IMPA1: variants seen among roughly 807,000 people sequenced by gnomAD.
IMPA1 encodes inositol monophosphatase 1.
In IMPA1, 21 loss-of-function variants were observed where a neutral mutation model predicts 34.9. The ratio of observed to expected loss-of-function variants is 0.60; its 90% CI spans 0.43 to 0.87. The LOEUF (loss-of-function observed/expected upper bound fraction) is 0.87. Among genes scored for constraint, IMPA1 ranks in the 40% least tolerant of loss-of-function variants. The pLI is 0.00. For synonymous variants in IMPA1, 95 were observed against 104.4 expected (o/e 0.91, Z 0.55); for missense variants, 299 against 336.4 (o/e 0.89, Z 0.87).
At chr8:81,685,786 C>T (rs369155756) in intron 1 of IMPA1, 41 of 1,536,658 alleles carry the variant, frequency 2.7e-5, no homozygotes, top group African/African-American at 4.2e-5. Context: ...AAGCCATAAA[C>T]ACCTGAACTG....
rs1481170035 is a variant in IMPA1 at position 81,686,321 on chromosome 8, G to A, written c.-94C>T. On this transcript the variant is annotated 5_prime_UTR_variant, in exon 1 of 9. Coordinates refer to ENST00000256108, the MANE Select transcript of IMPA1 (RefSeq NM_005536.4). ...GCACTCGTCTCTTCCGGAGGTAGAG[G>A]GGCTACTCGCAACAGGAAGTTCCGC... 8.1e-6 allele frequency: 8 copies of A among 986,966 alleles called. No individual in the cohort carries two copies. Among genetic ancestry groups the A allele is most frequent in the South Asian group, 4.6e-5 (1 of 21,562 alleles). The allele number at this position is 986,966 out of a possible 1,614,324, so 61.1% of individuals were successfully genotyped here. A position where few individuals can be genotyped will look rare whatever the true frequency, so the allele number is the denominator to read the frequency against.
Position 81,658,429 on chromosome 8 carries a change from G to A in IMPA1, c.*922C>T, listed in dbSNP as rs924288852. On this transcript the variant is annotated 3_prime_UTR_variant, in exon 9 of 9. Coordinates refer to ENST00000256108, the MANE Select transcript of IMPA1 (RefSeq NM_005536.4). ...TATTAACAATACAGTATATTTGCCA[G>A]CACAATCAAATCAGTATAAACACCT... 6.6e-6 allele frequency: 1 copy of A among 152,216 alleles called. No individual in the cohort carries two copies. The highest frequency in any genetic ancestry group is 1.5e-5 in the Non-Finnish European group (1 of 68,022). The allele number at this position is 152,216 out of a possible 1,614,324, so 9.4% of individuals were successfully genotyped here.
chr8:81,670,880 G>A, intron 7 of IMPA1, 59 bp downstream of exon 7: 4 of 764,820 alleles, frequency 5.2e-6, no homozygotes, highest in East Asian at 3.0e-5. Flanking sequence ...AAAAAAAAAA[G>A]GTGTGTGCAC....
chr8:81,679,615 G>GAAGA (rs1554586284), intron 3 of IMPA1, among the ~76,000 whole-genome samples: 19 of 134,076 alleles, frequency 1.4e-4, no homozygotes, highest in African/African-American at 4.9e-4. Flanking sequence ...TCTGTCTCAG[G>GAAGA]AAAAAAAAAA....
chr8:81,685,313 T>C (rs1419416438), intron 1 of IMPA1, among the ~76,000 whole-genome samples: 1 of 134,958 alleles, frequency 7.4e-6, no homozygotes, highest in Non-Finnish European at 1.5e-5. Flanking sequence ...AGTATATTTA[T>C]GTACTATACA....
chr8:81,671,422 C>T (rs1266905088), intron 6 of IMPA1, among the ~76,000 whole-genome samples: 1 of 152,054 alleles, frequency 6.6e-6, no homozygotes, highest in Non-Finnish European at 1.5e-5. Context: ...TTTACTTTTA[C>T]AACAAAAGTA....
rs1806587687 is a variant in IMPA1, at chr8:81,658,857, A to G, written c.*494T>C. ...AGATATGTAATGGGCCAGGTGCTAT[A>G]TGAACACTGAAGAATAAAACAAAAA... On this transcript the variant is annotated 3_prime_UTR_variant, in exon 9 of 9. Transcript: ENST00000256108. The G allele has an allele frequency of 6.5e-6, 1 of 154,716 alleles. No homozygotes were observed. The highest frequency in any genetic ancestry group is 1.4e-5 in the Non-Finnish European group (1 of 69,966). The allele number at this position is 154,716 out of a possible 1,614,324, so 9.6% of individuals were successfully genotyped here. A position where few individuals can be genotyped will look rare whatever the true frequency, so the allele number is the denominator to read the frequency against.
chr8:81,679,042 G>T, intron 4 of IMPA1, 84 bp downstream of exon 4: 1 of 810,162 alleles, frequency 1.2e-6, no homozygotes, highest in Non-Finnish European at 2.1e-6. Flanking sequence ...ATTTTCTAAA[G>T]TGTACATGTT....
chr8:81,678,757 G>A (rs1227172316), intron 4 of IMPA1: 1 of 204,150 alleles, frequency 4.9e-6, no homozygotes, highest in Non-Finnish European at 1.0e-5. Context: ...GATCCATATA[G>A]ATCTATGGTA....
chr8:81,677,642 G>A (rs1215194357), intron 4 of IMPA1, among the ~76,000 whole-genome samples: 1 of 152,174 alleles, frequency 6.6e-6, no homozygotes, highest in East Asian at 1.9e-4. Context: ...AGCTAAAGCT[G>A]TTGAAAATAA....
rs1806537906 is a variant in IMPA1 at position 81,657,033 on chromosome 8, T to C, written c.*2318A>G. Among the ~76,000 whole-genome samples the C allele has an allele frequency of 6.6e-6, 1 of 152,230 alleles. No individual in the cohort carries two copies. Among genetic ancestry groups the C allele is most frequent in the African/African-American group, 2.4e-5 (1 of 41,452 alleles). On this transcript the variant is annotated 3_prime_UTR_variant, in exon 9 of 9. Coordinates refer to ENST00000256108, the MANE Select transcript of IMPA1 (RefSeq NM_005536.4). ...AATATACCCTGATACAAAATATACA[T>C]GTTAAGTCTAAGAAGTCCTGTTACT...
chr8:81,658,016 CTT>C lies in IMPA1; in HGVS notation c.*1333_*1334del, dbSNP rs1806567407. On this transcript the variant is annotated 3_prime_UTR_variant, in exon 9 of 9. Coordinates refer to ENST00000256108, the MANE Select transcript of IMPA1 (RefSeq NM_005536.4). ...AAATTTAATTGCAAAAACAACCTGT[CTT>C]AGAATACAGTATCAGATGTTTTAAG... 6.6e-6 allele frequency: 1 copy of C among 152,066 alleles called. No homozygotes were observed. Among genetic ancestry groups the C allele is most frequent in the South Asian group, 2.1e-4 (1 of 4,832 alleles). The allele number at this position is 152,066 out of a possible 1,614,324, so 9.4% of individuals were successfully genotyped here.
At chr8:81,664,731 G>C (rs142700561) in intron 7 of IMPA1, among the ~76,000 whole-genome samples, 12 of 151,890 alleles carry the variant, frequency 7.9e-5, no homozygotes, top group Non-Finnish European at 1.5e-4. Flanking sequence ...GTGCGGGGAC[G>C]GGGGAGGGAT....
At chr8:81,684,542 TA>T (rs149268819) in intron 1 of IMPA1, among the ~76,000 whole-genome samples, 9,214 of 23,764 alleles carry the variant, frequency 0.39, 1,186 homozygotes, top group East Asian at 0.73. Flanking sequence ...ATACTACACA[TA>T]AGTATCTTTA....
intron 7 of IMPA1, among the ~76,000 whole-genome samples, chr8:81,664,021 G>C (rs1806750354): frequency 6.6e-6 from 1 of 151,842 alleles, no homozygotes; most frequent in Non-Finnish European, 1.5e-5. Context: ...CCTGGCGACA[G>C]AGACTCCGTC....
intron 7 of IMPA1, among the ~76,000 whole-genome samples, chr8:81,669,186 G>A (rs552150656): frequency 6.6e-6 from 1 of 152,252 alleles, no homozygotes; most frequent in South Asian, 2.1e-4. Context: ...GTAAAGCCTA[G>A]TAGAGCCCAG....
chr8:81,680,802 A>G lies in IMPA1; in HGVS notation c.64-19T>C, dbSNP rs964768567. The G allele has an allele frequency of 2.1e-5, 32 of 1,555,948 alleles. No individual in the cohort carries two copies. In the African/African-American group the frequency reaches 4.3e-4, roughly 21 times the overall value. ...AAACTACCTAAAAAGAGGTTTTGGT[A>G]AGCAAATAGAAAAGGCATAATTTTA... On this transcript the variant is annotated intron_variant, in intron 2 of 8. Transcript: ENST00000256108.
chr8:81,668,045 G>A (rs1355050603), intron 7 of IMPA1, among the ~76,000 whole-genome samples: 1 of 151,954 alleles, frequency 6.6e-6, no homozygotes, highest in African/African-American at 2.4e-5. Flanking sequence ...GGATGGTCTC[G>A]ATCTCCTGAC....
intron 4 of IMPA1, chr8:81,678,692 TA>T (rs762409199): frequency 4.2e-3 from 669 of 157,900 alleles, no homozygotes; most frequent in South Asian, 0.017. Context: ...AACTCCATCT[TA>T]AAAAAAAAAA....
Sources: allele counts gnomAD v4.1 joint callset (sites outside exome capture counted in the v4.1 genomes callset), GRCh38; gene constraint gnomAD v4.1.1; transcripts MANE v1.5; gene names NCBI Gene and HGNC (gene_info 2026-07-23, HGNC 2026-07-21).